The following AIM2 variants were observed in gnomAD, a reference collection of about 807,000 sequenced individuals.
The protein encoded by AIM2 is interferon-inducible protein AIM2.
A neutral mutation model predicts 27.7 loss-of-function variants in AIM2; 30 were observed. The ratio of observed to expected loss-of-function variants is 1.08; its 90% CI spans 0.81 to 1.47. The LOEUF (loss-of-function observed/expected upper bound fraction) is 1.47. Ranked by LOEUF, AIM2 falls within the 40% of genes most tolerant of loss-of-function variation. The pLI, the probability that AIM2 is intolerant of heterozygous loss-of-function variation, is 0.00. For missense variants in AIM2, 358 were observed against 411.3 expected (o/e 0.87, Z 1.12); for synonymous variants, 141 against 145.3 (o/e 0.97, Z 0.21).
intron 4 of AIM2, among the ~76,000 whole-genome samples, chr1:159,065,163 G>C (rs1349865483): frequency 2.0e-5 from 3 of 152,112 alleles, no homozygotes; most frequent in Non-Finnish European, 4.4e-5. Context: ...TGGTTCTTTA[G>C]GTCCTGCCCT....
At chr1:159,140,964 C>A (rs1648100056), upstream of AIM2, among the ~76,000 whole-genome samples, 1 of 152,176 alleles carries the variant, frequency 6.6e-6, no homozygotes, top group Non-Finnish European at 1.5e-5. Context: ...TGGGGACAAG[C>A]TCATCCAGCT....
chr1:159,133,173 TTCTC>T (rs146143896), intron 1 of AIM2, among the ~76,000 whole-genome samples: 2 of 149,586 alleles, frequency 1.3e-5, no homozygotes, highest in African/African-American at 2.5e-5. Flanking sequence ...CTTGCTCTTG[TTCTC>T]TCTCTCTCTC....
At chr1:159,085,920 C>T (rs988782735) in intron 1 of AIM2, among the ~76,000 whole-genome samples, 1 of 152,160 alleles carries the variant, frequency 6.6e-6, no homozygotes, top group Non-Finnish European at 1.5e-5. Flanking sequence ...TTCTAACACA[C>T]ACACACTATG....
chr1:159,090,659 T>C (rs78756391), intron 1 of AIM2, among the ~76,000 whole-genome samples: 10,330 of 152,218 alleles, frequency 0.068, 649 homozygotes, highest in East Asian at 0.31. Flanking sequence ...CAAGGTTGTG[T>C]TTGGGAGGTT....
intron 4 of AIM2, among the ~76,000 whole-genome samples, chr1:159,064,319 T>G (rs1174497442): frequency 6.6e-6 from 1 of 152,188 alleles, no homozygotes; most frequent in Non-Finnish European, 1.5e-5. Context: ...ATCTTTCCAG[T>G]CCTAAATTCC....
At chr1:159,079,183 G>C (rs1570952064), upstream of AIM2, among the ~76,000 whole-genome samples, 1 of 151,926 alleles carries the variant, frequency 6.6e-6, no homozygotes, top group Admixed American at 6.6e-5. Flanking sequence ...GATAAGAAAA[G>C]ACATTGCATC....
At chr1:159,144,581 T>A (rs1017046929), upstream of AIM2, among the ~76,000 whole-genome samples, 1 of 152,148 alleles carries the variant, frequency 6.6e-6, no homozygotes, top group African/African-American at 2.4e-5. Flanking sequence ...TGGCTGTATG[T>A]CATTCATGTT....
intron 1 of AIM2, among the ~76,000 whole-genome samples, chr1:159,127,967 C>T (rs1447007078): frequency 6.6e-6 from 1 of 152,192 alleles, no homozygotes; most frequent in Non-Finnish European, 1.5e-5. Context: ...TCAGTCTCTG[C>T]TGCAATCTCT....
At chr1:159,072,599 T>A (rs982171399) in intron 2 of AIM2, among the ~76,000 whole-genome samples, 3 of 152,274 alleles carry the variant, frequency 2.0e-5, no homozygotes, top group Middle Eastern at 6.8e-3. Context: ...TGGAGATGAG[T>A]GATTTATTGA....
At chr1:159,141,316 C>T (rs934218375), upstream of AIM2, among the ~76,000 whole-genome samples, 2 of 152,114 alleles carry the variant, frequency 1.3e-5, no homozygotes, top group African/African-American at 2.4e-5. Flanking sequence ...TGTGACTTTC[C>T]GTCTTGGTCA....
chr1:159,140,279 G>A (rs1461287441), intron 1 of AIM2, among the ~76,000 whole-genome samples: 1 of 152,182 alleles, frequency 6.6e-6, no homozygotes, highest in Admixed American at 6.5e-5. Flanking sequence ...AGCTATGTTA[G>A]CTCTTACTAG....
At chr1:159,081,424 T>C (rs1311983756), upstream of AIM2, 5 of 407,524 alleles carry the variant, frequency 1.2e-5, no homozygotes, top group Non-Finnish European at 2.0e-5. Flanking sequence ...ATAATGCTTG[T>C]CAGGAGACAT....
chr1:159,080,743 G>A (rs892221702), upstream of AIM2, among the ~76,000 whole-genome samples: 2 of 152,020 alleles, frequency 1.3e-5, no homozygotes, highest in Non-Finnish European at 2.9e-5. Flanking sequence ...AAACTAATAA[G>A]CAATGTCCAT....
intron 1 of AIM2, among the ~76,000 whole-genome samples, chr1:159,108,991 C>A (rs925136403): frequency 3.9e-5 from 6 of 152,062 alleles, no homozygotes; most frequent in African/African-American, 1.4e-4. Context: ...CAAATTCAAT[C>A]AATTCCCATT....
intron 1 of AIM2, among the ~76,000 whole-genome samples, chr1:159,131,451 C>A (rs1024273498): frequency 5.3e-5 from 8 of 152,058 alleles, no homozygotes; most frequent in African/African-American, 1.9e-4. Flanking sequence ...TATCTCTGAA[C>A]TTTGTCATAC....
At chr1:159,120,866 C>T (rs970858186) in intron 1 of AIM2, among the ~76,000 whole-genome samples, 7 of 152,292 alleles carry the variant, frequency 4.6e-5, no homozygotes, top group Admixed American at 1.3e-4. Context: ...AATGCATTTA[C>T]CCCACAACAG....
At chr1:159,061,166 C>G (rs1023941082), downstream of AIM2, among the ~76,000 whole-genome samples, 4 of 152,190 alleles carry the variant, frequency 2.6e-5, no homozygotes, top group African/African-American at 4.8e-5. Context: ...TCTTTGTCAG[C>G]ACTTGGTATG....
rs146548797 is a variant in AIM2, at chr1:159,073,027, G to A, written c.262+211C>T. ...TAACCCTAAGGCTGGAAGAAGAGAT[G>A]CAAACAAAGGCTGGAATGGATTTGT... On this transcript the variant is annotated intron_variant, in intron 2 of 5. Transcript: ENST00000368130. 3.7e-3 allele frequency among the ~76,000 whole-genome samples: 560 copies of A among 152,302 alleles called. 6 individuals are homozygous for A. Among genetic ancestry groups the A allele is most frequent in the African/African-American group, 0.012 (517 of 41,564 alleles).
chr1:159,119,172 C>T (rs1450588011), intron 1 of AIM2, among the ~76,000 whole-genome samples: 1 of 152,158 alleles, frequency 6.6e-6, no homozygotes. Context: ...ACGCTTGTAA[C>T]CCCAGGAGAG....
Sources: allele counts gnomAD v4.1 joint callset (sites outside exome capture counted in the v4.1 genomes callset), GRCh38; gene constraint gnomAD v4.1.1; transcripts MANE v1.5; gene names NCBI Gene and HGNC (gene_info 2026-07-23, HGNC 2026-07-21).